KCNMA1: variants seen among roughly 807,000 people sequenced by gnomAD.
KCNMA1 encodes the protein Calcium-activated potassium channel subunit alpha-1.
KCNMA1 carries 29 observed loss-of-function variants against 140.0 expected under a neutral mutation model. The observed-to-expected ratio is 0.21, with a 90% confidence interval of 0.15 to 0.28. The LOEUF (loss-of-function observed/expected upper bound fraction) is 0.28, where lower values mean the gene tolerates loss of function less well. Ranked by LOEUF, KCNMA1 falls within the 10% of genes least tolerant of loss-of-function variation. The pLI, the probability that KCNMA1 is intolerant of heterozygous loss-of-function variation, is 1.00. For missense variants in KCNMA1, 880 were observed against 1,602.2 expected, an observed-to-expected ratio of 0.55 and a Z score of 7.70; for synonymous variants, 612 against 611.9, an observed-to-expected ratio of 1.00 and a Z score of 0.00.
At chr10:76,959,122 G>C (rs371210834) in intron 20 of KCNMA1, among the ~76,000 whole-genome samples, 37 of 152,168 alleles carry the variant, frequency 2.4e-4, no homozygotes, top group African/African-American at 8.2e-4. Flanking sequence ...CAACATACAG[G>C]CATGTTAGAT....
At chr10:77,621,873 G>A (rs1332552255) in intron 1 of KCNMA1, among the ~76,000 whole-genome samples, 1 of 152,176 alleles carries the variant, frequency 6.6e-6, no homozygotes. Context: ...AGCCCAGGAG[G>A]TGGAGGTTTT....
chr10:76,977,918 T>G (rs1168741513), intron 19 of KCNMA1: 2 of 417,996 alleles, frequency 4.8e-6, no homozygotes, highest in Non-Finnish European at 8.6e-6. Flanking sequence ...CAGCGTGTGC[T>G]GCCAGTCCAC....
rs1241201968 is a variant in KCNMA1, at chr10:76,947,208, A to G, written c.2709+1934T>C. Reference sequence around the variant, plus strand: ...AAAAAGTAGCCAGGCATGGTGGTGCATGCCTGTAAACCCAGCTACTCAGGA... The same window carrying G: ...AAAAAGTAGCCAGGCATGGTGGTGCGTGCCTGTAAACCCAGCTACTCAGGA... On this transcript the variant is annotated intron_variant, in intron 22 of 27. Transcript: ENST00000286628. Among the ~76,000 whole-genome samples, 5 of 151,890 alleles carry G rather than the reference A, an allele frequency of 3.3e-5. No individual in the cohort carries two copies. In the South Asian group the frequency reaches 1.0e-3, roughly 32 times the overall value.
rs2037400346 is a variant in KCNMA1, at chr10:76,887,116, A to G, written c.*150T>C. 1.3e-6 allele frequency: 2 copies of G among 1,581,038 alleles called. No individual in the cohort carries two copies. The highest frequency in any genetic ancestry group is 2.3e-5 in the South Asian group (2 of 88,442). On this transcript the variant is annotated 3_prime_UTR_variant, in exon 28 of 28. Transcript: ENST00000286628. ...TTATGGTGGTGAAATAAAAATGACA[A>G]CCACATGCACACTATCATACATATG...
intron 25 of KCNMA1, among the ~76,000 whole-genome samples, chr10:76,907,502 C>T (rs2048281757): frequency 6.6e-6 from 1 of 152,224 alleles, no homozygotes; most frequent in Non-Finnish European, 1.5e-5. Flanking sequence ...TGTGGTTGCA[C>T]AGGGCTGTAC....
intron 1 of KCNMA1, among the ~76,000 whole-genome samples, chr10:77,609,360 T>C (rs970824174): frequency 1.1e-4 from 17 of 152,180 alleles, no homozygotes; most frequent in Non-Finnish European, 2.1e-4. Context: ...AGACAAATAC[T>C]ACGTGATCTA....
chr10:77,126,646 T>A (rs2097739805), intron 5 of KCNMA1, among the ~76,000 whole-genome samples: 2 of 152,054 alleles, frequency 1.3e-5, no homozygotes, highest in Non-Finnish European at 2.9e-5. Context: ...AGTCCCTTCA[T>A]GAGAACTGCC....
intron 5 of KCNMA1, among the ~76,000 whole-genome samples, chr10:77,182,799 G>C (rs1322449310): frequency 6.6e-6 from 1 of 152,110 alleles, no homozygotes; most frequent in Non-Finnish European, 1.5e-5. Context: ...GGGCTTCCAT[G>C]ACTATCCTCT....
chr10:77,502,502 T>A (rs1170867146), intron 1 of KCNMA1, among the ~76,000 whole-genome samples: 2 of 152,140 alleles, frequency 1.3e-5, no homozygotes, highest in African/African-American at 4.8e-5. Flanking sequence ...TTTTCCATCC[T>A]GGATACTCTA....
chr10:77,166,848 T>C (rs1411922724), intron 5 of KCNMA1, among the ~76,000 whole-genome samples: 1 of 152,202 alleles, frequency 6.6e-6, no homozygotes, highest in Non-Finnish European at 1.5e-5. Context: ...ACATAGTAGA[T>C]GGATGTATTT....
intron 1 of KCNMA1, among the ~76,000 whole-genome samples, chr10:77,448,651 G>A (rs921749316): frequency 9.9e-5 from 15 of 152,096 alleles, no homozygotes; most frequent in African/African-American, 3.1e-4. Flanking sequence ...TTCTCCCTCC[G>A]TGTACTTCTG....
At chr10:77,625,933 T>C (rs944301452) in intron 1 of KCNMA1, among the ~76,000 whole-genome samples, 21 of 152,188 alleles carry the variant, frequency 1.4e-4, no homozygotes, top group African/African-American at 4.8e-4. Flanking sequence ...CCATACTGCT[T>C]TCCACCGCAT....
intron 19 of KCNMA1, among the ~76,000 whole-genome samples, chr10:76,975,740 T>C (rs999995): frequency 0.56 from 85,833 of 152,086 alleles, 24,790 homozygotes; most frequent in African/African-American, 0.7. Flanking sequence ...CACATATCAC[T>C]AAGAAGTTTG....
chr10:77,554,765 G>A lies in KCNMA1; in HGVS notation c.378+82500C>T, dbSNP rs146890159. Among the ~76,000 whole-genome samples, 380 of 152,174 alleles carry A rather than the reference G, an allele frequency of 2.5e-3. 8 individuals are homozygous for A. In the South Asian group the frequency reaches 0.025, roughly 10 times the overall value. On this transcript the variant is annotated intron_variant, in intron 1 of 27. Coordinates refer to ENST00000286628, the MANE Select transcript of KCNMA1 (RefSeq NM_001161352.2). ...CCAAGGCCTTCCTGTTCCTGGAAAC[G>A]GTGCCATCTCCAAAGACTCCTCCGC... is the stretch of plus-strand genomic sequence containing the variant.
chr10:76,888,365 G>C (rs2038226027), intron 27 of KCNMA1: 1 of 151,990 alleles, frequency 6.6e-6, no homozygotes, highest in African/African-American at 2.4e-5. Flanking sequence ...ATAATCCCTG[G>C]TTATTATATA....
intron 20 of KCNMA1, among the ~76,000 whole-genome samples, chr10:76,959,965 G>A: frequency 6.6e-6 from 1 of 152,196 alleles, no homozygotes; most frequent in Admixed American, 6.5e-5. Flanking sequence ...GAGAGGCAAA[G>A]CCTTAACAAA....
At chr10:77,203,298 A>G (rs1448259344) in intron 3 of KCNMA1, among the ~76,000 whole-genome samples, 1 of 152,188 alleles carries the variant, frequency 6.6e-6, no homozygotes, top group African/African-American at 2.4e-5. Flanking sequence ...TGACATCTGT[A>G]AGAATGAACA....
intron 23 of KCNMA1, among the ~76,000 whole-genome samples, chr10:76,918,401 A>G (rs2053855860): frequency 6.6e-6 from 1 of 152,210 alleles, no homozygotes; most frequent in Admixed American, 6.5e-5. Context: ...CTGATTCTTT[A>G]GCCATGTACC....
At chr10:77,541,271 T>G (rs1246762723) in intron 1 of KCNMA1, among the ~76,000 whole-genome samples, 1 of 152,048 alleles carries the variant, frequency 6.6e-6, no homozygotes, top group East Asian at 1.9e-4. Context: ...ATTCAATTAT[T>G]TGATGATTGT....
Sources: allele counts gnomAD v4.1 joint callset (sites outside exome capture counted in the v4.1 genomes callset), GRCh38; gene constraint gnomAD v4.1.1; transcripts MANE v1.5; gene names NCBI Gene and HGNC (gene_info 2026-07-23, HGNC 2026-07-21).